The following NPHP3 variants were observed in gnomAD, a reference collection of about 807,000 sequenced individuals.
NPHP3 encodes the protein nephrocystin-3.
A neutral mutation model predicts 171.9 loss-of-function variants in NPHP3; 123 were observed. That is an observed-to-expected ratio of 0.72 (90% CI 0.62 to 0.83). The LOEUF (loss-of-function observed/expected upper bound fraction) is 0.83. NPHP3 is among the 40% of genes least tolerant of loss of function. NPHP3 has a pLI of 0.00. For synonymous variants in NPHP3, 558 were observed against 579.2 expected, an observed-to-expected ratio of 0.96 and a Z score of 0.52; for missense variants, 1,506 against 1,591.9, an observed-to-expected ratio of 0.95 and a Z score of 0.92.
intron 19 of NPHP3, among the ~76,000 whole-genome samples, chr3:132,689,639 G>C (rs964460905): frequency 3.3e-5 from 5 of 152,112 alleles, no homozygotes; most frequent in South Asian, 2.1e-4. Flanking sequence ...TCACAATATG[G>C]AGCCAACCAC....
At chr3:132,693,087 T>C in intron 16 of NPHP3, 1 of 377,048 alleles carries the variant, frequency 2.7e-6, no homozygotes, top group Non-Finnish European at 4.8e-6. Context: ...GCATAAAATG[T>C]ATTATTATAA....
rs1939544194 is a variant in NPHP3 at position 132,699,368 on chromosome 3, C to T, written c.1970G>A (p.Cys657Tyr). 1.2e-6 allele frequency: 2 copies of T among 1,608,778 alleles called. No individual in the cohort carries two copies. Among genetic ancestry groups the T allele is most frequent in the Non-Finnish European group, 1.7e-6 (2 of 1,175,930 alleles). ...RVIVSVNVET[C>Y]PPAWRLWPTL... ...GGCATCGTACCTCCATGCTGGAGGGCATGTTTCTACATTCACAGAAACAAT... is the reference window on the plus strand; with the variant it reads ...GGCATCGTACCTCCATGCTGGAGGGTATGTTTCTACATTCACAGAAACAAT... The change falls in exon 13 of 27, where the codon TGC becomes TAC. Residue 657 changes from cysteine to tyrosine, a missense_variant. Transcript: ENST00000337331.
In NPHP3 at chr3:132,692,709, T is replaced by C; in HGVS notation, c.2420A>G (p.Tyr807Cys). The C allele has an allele frequency of 6.2e-7, 1 of 1,614,100 alleles. No homozygotes were observed. The highest frequency in any genetic ancestry group is 8.5e-7 in the Non-Finnish European group (1 of 1,179,966). The change falls in exon 17 of 27, where the codon TAC becomes TGC. Residue 807 changes from tyrosine to cysteine, a missense_variant. Physicochemically the swap from Tyr to Cys is radical, Grantham distance 194. Coordinates refer to ENST00000337331, the MANE Select transcript of NPHP3 (RefSeq NM_153240.5). ...TCCATAAGTCAACAAACACATTTTG[T>C]ATAAACTGTGAATAAGGGAGGTCAA... ...TFLTSLIHSL[Y>C]KMCLLTYGCG...
chr3:132,709,856 A>G (rs59376040), intron 6 of NPHP3, among the ~76,000 whole-genome samples: 6,020 of 152,246 alleles, frequency 0.04, 241 homozygotes, highest in African/African-American at 0.095. Context: ...CACTCTGGCC[A>G]TGTTCTATCG....
intron 15 of NPHP3, among the ~76,000 whole-genome samples, chr3:132,696,256 G>T (rs1939451257): frequency 6.6e-6 from 1 of 152,112 alleles, no homozygotes; most frequent in Non-Finnish European, 1.5e-5. Context: ...AATAAAAGTA[G>T]TGATACTCTA....
In NPHP3 at chr3:132,705,539, G is replaced by C. The variant is rs1431262684; in HGVS notation, c.1350+201C>G. On this transcript the variant is annotated intron_variant, in intron 8 of 26. Transcript: ENST00000337331. Reference sequence around the variant, plus strand: ...AAGCATCAAATAGTCCTCTGAGATAGATGAGAGATAAAGATATTAATACAT... The same window carrying C: ...AAGCATCAAATAGTCCTCTGAGATACATGAGAGATAAAGATATTAATACAT... 1.4e-5 allele frequency: 6 copies of C among 441,548 alleles called. No homozygotes were observed. The East Asian group carries it at 2.2e-4, about 17-fold the overall frequency. The allele number at this position is 441,548 out of a possible 1,614,324, so 27.4% of individuals were successfully genotyped here.
chr3:132,700,189 T>C (rs1939568736), intron 11 of NPHP3, 128 bp from the exon 12 acceptor site: 1 of 1,239,870 alleles, frequency 8.1e-7, no homozygotes, highest in East Asian at 2.5e-5. Context: ...GAGGACCCGA[T>C]TGTATCGAAT....
intron 8 of NPHP3, among the ~76,000 whole-genome samples, chr3:132,705,523 A>T (rs1939724631): frequency 6.6e-6 from 1 of 152,232 alleles, no homozygotes; most frequent in Non-Finnish European, 1.5e-5. Context: ...GAAGCATCAA[A>T]TAGTCCTCTG....
In NPHP3 at chr3:132,685,175, G is replaced by A. The variant is rs886829503; in HGVS notation, c.3330-381C>T. On this transcript the variant is annotated intron_variant, in intron 23 of 26. Transcript: ENST00000337331. ...TTTTATTTCTTTATTTTGTTTTTTT[G>A]TATGTGTGCGTGTGTGTAACCTTGA... 2.0e-5 allele frequency: 5 copies of A among 246,554 alleles called. No homozygotes were observed. The East Asian group carries it at 5.1e-4, about 25-fold the overall frequency. The allele number at this position is 246,554 out of a possible 1,614,324, so 15.3% of individuals were successfully genotyped here.
At chr3:132,697,102 C>T (rs2107977210) in intron 14 of NPHP3, among the ~76,000 whole-genome samples, 158 bp downstream of exon 14, 1 of 152,298 alleles carries the variant, frequency 6.6e-6, no homozygotes. Context: ...TCTTTTCTAC[C>T]TGTCATTAGT....
intron 13 of NPHP3, 84 bp from the exon 14 acceptor site, chr3:132,697,446 CA>C: frequency 1.2e-6 from 1 of 864,134 alleles, no homozygotes; most frequent in South Asian, 1.4e-5. Flanking sequence ...AAATCCACCA[CA>C]GGAATTAACA....
chr3:132,686,743 T>G (rs1174295520), intron 22 of NPHP3, among the ~76,000 whole-genome samples: 1 of 152,178 alleles, frequency 6.6e-6, no homozygotes, highest in East Asian at 1.9e-4. Flanking sequence ...GCATTTTAAA[T>G]TAAAGAAATA....
intron 17 of NPHP3, among the ~76,000 whole-genome samples, chr3:132,692,044 C>T (rs1939312644): frequency 2.0e-5 from 3 of 152,124 alleles, no homozygotes; most frequent in African/African-American, 4.8e-5. Flanking sequence ...ACAGGCATAC[C>T]GTTTTAAAAC....
At chr3:132,682,126 A>G in intron 26 of NPHP3, 36 bp from the exon 27 acceptor site, 1 of 1,568,084 alleles carries the variant, frequency 6.4e-7, no homozygotes, top group South Asian at 1.1e-5. Context: ...TAAAATGAGA[A>G]TATAACCTCT....
At chr3:132,718,306 C>A (rs1014426908) in intron 3 of NPHP3, among the ~76,000 whole-genome samples, 10 of 152,238 alleles carry the variant, frequency 6.6e-5, no homozygotes, top group African/African-American at 2.4e-4. Context: ...AATATGTAAA[C>A]CCTTTCACTC....
In NPHP3 at chr3:132,683,412, A is replaced by G; in HGVS notation, c.3683T>C (p.Leu1228Pro). The change falls in exon 25 of 27, where the codon CTT becomes CCT. Residue 1228 changes from leucine (L) to proline (P), a missense_variant. Coordinates refer to ENST00000337331, the MANE Select transcript of NPHP3 (RefSeq NM_153240.5). Reference sequence around the variant, plus strand: ...ATGGGAACTTACCATTTGGCTATAAAGAACAGCTAAGTTCACCAAGGCAGT... The same window carrying G: ...ATGGGAACTTACCATTTGGCTATAAGGAACAGCTAAGTTCACCAAGGCAGT... ...VATALVNLAV[L>P]YSQMKKHVEA... The G allele has an allele frequency of 6.2e-7, 1 of 1,613,166 alleles. No homozygotes were observed. Among genetic ancestry groups the G allele is most frequent in the Non-Finnish European group, 8.5e-7 (1 of 1,179,306 alleles).
chr3:132,701,067 A>G (rs1000500789), intron 10 of NPHP3, among the ~76,000 whole-genome samples: 2 of 152,218 alleles, frequency 1.3e-5, no homozygotes, highest in Non-Finnish European at 2.9e-5. Flanking sequence ...TAAAGTATCA[A>G]TGAAACTTTT....
At chr3:132,718,089 T>G in intron 3 of NPHP3, 1 of 454,092 alleles carries the variant, frequency 2.2e-6, no homozygotes, top group South Asian at 1.6e-5. Context: ...CAATAAAAAT[T>G]CCAGGATGTT....
Position 132,697,326 on chromosome 3 carries a change from T to C in NPHP3, c.2022A>G (p.Pro674=). 6.2e-7 allele frequency: 1 copy of C among 1,612,410 alleles called. No individual in the cohort carries two copies. The highest frequency in any genetic ancestry group is 8.5e-7 in the Non-Finnish European group (1 of 1,179,500). Residue 674 remains proline (P), a synonymous_variant, in exon 14 of 27, where the codon CCA becomes CCG. Coordinates refer to ENST00000337331, the MANE Select transcript of NPHP3 (RefSeq NM_153240.5). Reference sequence around the variant, plus strand: ...CAATTATAATAGATTTTGCATCTTTTGGACTTAAGGGATCAAGATGAAGTG... The same window carrying C: ...CAATTATAATAGATTTTGCATCTTTCGGACTTAAGGGATCAAGATGAAGTG... ...WPTLHLDPLS[P]KDAKSIIIAE...
Sources: gnomAD v4.1 joint callset for allele counts (sites outside exome capture counted in the v4.1 genomes callset) on GRCh38, gnomAD v4.1.1 for gene constraint, MANE v1.5 for transcripts, NCBI Gene and HGNC (gene_info 2026-07-23, HGNC 2026-07-21) for gene names.